SEZ6L: variants seen among roughly 807,000 people sequenced by gnomAD.
SEZ6L encodes the protein seizure 6-like protein.
SEZ6L carries 37 observed loss-of-function variants against 106.2 expected under a neutral mutation model. The ratio of observed to expected loss-of-function variants is 0.35; its 90% CI spans 0.27 to 0.46. SEZ6L has a LOEUF of 0.46. Ranked by LOEUF, SEZ6L falls within the 20% of genes least tolerant of loss-of-function variation. The pLI, the probability that SEZ6L is intolerant of heterozygous loss-of-function variation, is 1.00. For synonymous variants in SEZ6L, 541 were observed against 570.4 expected, an observed-to-expected ratio of 0.95 and a Z score of 0.73; for missense variants, 1,172 against 1,332.8, an observed-to-expected ratio of 0.88 and a Z score of 1.88.
Position 26,338,353 on chromosome 22 carries a change from T to C in SEZ6L, c.2016-2083T>C, listed in dbSNP as rs79300532. Among the ~76,000 whole-genome samples the C allele has an allele frequency of 3.3e-3, 508 of 152,302 alleles. 1 individual carries two copies. The highest frequency in any genetic ancestry group is 6.8e-3 in the Middle Eastern group (2 of 294). The stretch of plus-strand genomic sequence containing the variant: ...ATTCTTTCAGGAACCATGGTCTTAC[T>C]CCTTTCTTCCCTCTGCCTTCTCCCC... On this transcript the variant is annotated intron_variant, in intron 9 of 16. Coordinates refer to ENST00000248933, the MANE Select transcript of SEZ6L (RefSeq NM_021115.5).
At chr22:26,351,509 G>A (rs985301519) in intron 12 of SEZ6L, 9 of 344,854 alleles carry the variant, frequency 2.6e-5, no homozygotes, top group African/African-American at 2.4e-4. Context: ...AGTATACTTT[G>A]TTTTTTTGTT....
At chr22:26,323,141 T>C (rs997197622) in intron 9 of SEZ6L, among the ~76,000 whole-genome samples, 5 of 152,176 alleles carry the variant, frequency 3.3e-5, no homozygotes, top group Non-Finnish European at 5.9e-5. Context: ...ACCTTGAAGA[T>C]GCCTTGCAGC....
chr22:26,333,305 G>A (rs1171547541), intron 9 of SEZ6L, among the ~76,000 whole-genome samples: 2 of 152,206 alleles, frequency 1.3e-5, no homozygotes, highest in Admixed American at 1.3e-4. Flanking sequence ...CATTGGACTT[G>A]ACTCTAGTGA....
chr22:26,309,766 A>G (rs1171067506), intron 6 of SEZ6L, among the ~76,000 whole-genome samples: 1 of 152,054 alleles, frequency 6.6e-6, no homozygotes, highest in Non-Finnish European at 1.5e-5. Flanking sequence ...TTTAGTAGAG[A>G]CGGGGTTTCA....
rs9613131 is a variant in SEZ6L at position 26,222,639 on chromosome 22, T to C, written c.94+52876T>C. 3.3e-3 allele frequency among the ~76,000 whole-genome samples: 497 copies of C among 152,278 alleles called. 6 individuals carry two copies. Among genetic ancestry groups the C allele is most frequent in the Admixed American group, 8.6e-3 (132 of 15,296 alleles). The stretch of plus-strand genomic sequence containing the variant: ...TTTGCTGAACAGCAAAATCCTCTGG[T>C]GTATAAGACAAATCTCAATATCATA... On this transcript the variant is annotated intron_variant, in intron 1 of 16. Transcript: ENST00000248933.
At chr22:26,239,460 T>G (rs1357328257) in intron 1 of SEZ6L, among the ~76,000 whole-genome samples, 1 of 152,194 alleles carries the variant, frequency 6.6e-6, no homozygotes, top group African/African-American at 2.4e-5. Context: ...AGTGAGACCA[T>G]GAAAAGGGAT....
intron 12 of SEZ6L, among the ~76,000 whole-genome samples, chr22:26,357,164 G>T (rs1466950428): frequency 2.0e-5 from 3 of 152,074 alleles, no homozygotes; most frequent in African/African-American, 7.2e-5. Context: ...TGTTAGCCAG[G>T]ATGGTCTCCT....
chr22:26,223,977 G>A (rs1254778077), intron 1 of SEZ6L, among the ~76,000 whole-genome samples: 1 of 152,054 alleles, frequency 6.6e-6, no homozygotes, highest in African/African-American at 2.4e-5. Flanking sequence ...TTCAATATTG[G>A]AACTAATTAC....
At position 26,296,947 on chromosome 22, in the gene SEZ6L, T is replaced by A. The variant is rs140372463; in HGVS notation, c.1029T>A (p.Pro343=). ...ELLSIRGVDG[P]TLTVLANQTL... ...TCTCCATCCGCGGGGTGGACGGCCC[T>A]ACCCTGACCGTCCTGGCCAACCAGA... The change falls in exon 4 of 17, where the codon CCT becomes CCA. Residue 343 remains proline, a synonymous_variant. Transcript: ENST00000248933. The A allele has an allele frequency of 1.2e-4, 200 of 1,614,024 alleles. 2 individuals are homozygous for A. In the South Asian group the frequency reaches 2.1e-3, roughly 17 times the overall value.
chr22:26,380,509 T>G lies in SEZ6L; in HGVS notation c.*214T>G, dbSNP rs956669395. On this transcript the variant is annotated 3_prime_UTR_variant, in exon 17 of 17. Transcript: ENST00000248933. ...TGGATGTTTCGCGGCCTCAGCCAAA[T>G]TCATGTTACAGCCTCAATTCTGAAG... is the stretch of plus-strand genomic sequence containing the variant. 8 of 441,426 alleles carry G rather than the reference T, an allele frequency of 1.8e-5. No individual in the cohort carries two copies. Among genetic ancestry groups the G allele is most frequent in the Admixed American group, 1.1e-4 (3 of 27,638 alleles). The allele number at this position is 441,426 out of a possible 1,614,324, so 27.3% of individuals were successfully genotyped here.
intron 1 of SEZ6L, among the ~76,000 whole-genome samples, chr22:26,285,684 A>C (rs1007547334): frequency 2.0e-5 from 3 of 152,186 alleles, no homozygotes; most frequent in African/African-American, 7.2e-5. Context: ...CGCATAGAGC[A>C]GCTTCTGTCA....
At chr22:26,218,672 C>A (rs779137005) in intron 1 of SEZ6L, among the ~76,000 whole-genome samples, 4 of 152,064 alleles carry the variant, frequency 2.6e-5, no homozygotes, top group Non-Finnish European at 4.4e-5. Flanking sequence ...TGTAGTGGTG[C>A]ATGCCTGTAA....
At chr22:26,256,183 C>T (rs2079813481) in intron 1 of SEZ6L, among the ~76,000 whole-genome samples, 1 of 152,130 alleles carries the variant, frequency 6.6e-6, no homozygotes, top group Non-Finnish European at 1.5e-5. Flanking sequence ...GCGTAAGAGA[C>T]TAGGTAAACA....
At chr22:26,312,098 C>CT in intron 8 of SEZ6L, 136 bp downstream of exon 8, 1 of 866,670 alleles carries the variant, frequency 1.2e-6, no homozygotes, top group Non-Finnish European at 1.7e-6. Context: ...TTCCAGGGTT[C>CT]ACTGTCCTTT....
intron 9 of SEZ6L, among the ~76,000 whole-genome samples, chr22:26,315,338 A>G (rs1391162167): frequency 6.6e-6 from 1 of 151,958 alleles, no homozygotes; most frequent in Non-Finnish European, 1.5e-5. Context: ...AATTAGCTGG[A>G]TGTGGTGGCA....
chr22:26,229,402 T>C (rs779933764), intron 1 of SEZ6L, among the ~76,000 whole-genome samples: 6 of 152,222 alleles, frequency 3.9e-5, no homozygotes, highest in Admixed American at 6.5e-5. Flanking sequence ...CAATTTATTA[T>C]ATGTCAGTAA....
intron 13 of SEZ6L, among the ~76,000 whole-genome samples, chr22:26,371,795 A>G (rs541700910): frequency 4.9e-4 from 74 of 152,218 alleles, no homozygotes; most frequent in African/African-American, 1.8e-3. Context: ...CTTCTCCCAC[A>G]ACTGTGATGG....
intron 1 of SEZ6L, among the ~76,000 whole-genome samples, chr22:26,193,564 A>G (rs1940385381): frequency 6.6e-6 from 1 of 152,208 alleles, no homozygotes; most frequent in South Asian, 2.1e-4. Context: ...ATTTTTGAAC[A>G]TTTGGGAGAT....
At chr22:26,201,799 C>T (rs1940977744) in intron 1 of SEZ6L, among the ~76,000 whole-genome samples, 1 of 152,154 alleles carries the variant, frequency 6.6e-6, no homozygotes, top group Non-Finnish European at 1.5e-5. Flanking sequence ...CCTCCAAAAA[C>T]ATTTTCACAG....
Sources: allele counts gnomAD v4.1 joint callset (sites outside exome capture counted in the v4.1 genomes callset), GRCh38; gene constraint gnomAD v4.1.1; transcripts MANE v1.5; gene names NCBI Gene and HGNC (gene_info 2026-07-23, HGNC 2026-07-21).